PCDH9: variants seen among roughly 807,000 people sequenced by gnomAD.
The protein encoded by PCDH9 is protocadherin 9.
In PCDH9, 24 loss-of-function variants were observed where a neutral mutation model predicts 70.6. That is an observed-to-expected ratio of 0.34 (90% CI 0.25 to 0.48). The LOEUF (loss-of-function observed/expected upper bound fraction) is 0.48. PCDH9 is among the 20% of genes least tolerant of loss of function. The probability of loss-of-function intolerance (pLI) is 0.99; values close to 1 mark genes in which losing one functional copy is unlikely to be tolerated. For synonymous variants in PCDH9, 562 were observed against 558.5 expected, an observed-to-expected ratio of 1.01 and a Z score of -0.09; for missense variants, 1,281 against 1,503.6, an observed-to-expected ratio of 0.85 and a Z score of 2.45.
chr13:66,484,343 G>A (rs1001933569), intron 4 of PCDH9, among the ~76,000 whole-genome samples: 3 of 152,012 alleles, frequency 2.0e-5, no homozygotes, highest in Non-Finnish European at 4.4e-5. Context: ...CCGTAGGGTC[G>A]TAGCCCCACG....
chr13:66,961,936 A>T (rs183856011), intron 2 of PCDH9, among the ~76,000 whole-genome samples: 62 of 152,228 alleles, frequency 4.1e-4, no homozygotes, highest in African/African-American at 1.1e-3. Flanking sequence ...CGGTAATCCC[A>T]GCTACTTGGT....
At chr13:66,770,659 A>G (rs2079792903) in intron 3 of PCDH9, among the ~76,000 whole-genome samples, 2 of 152,172 alleles carry the variant, frequency 1.3e-5, no homozygotes, top group Non-Finnish European at 2.9e-5. Flanking sequence ...TAAGTCATCA[A>G]TGGACTGTTC....
At chr13:66,625,040 CCATT>C (rs2077480294) in intron 4 of PCDH9, among the ~76,000 whole-genome samples, 1 of 151,926 alleles carries the variant, frequency 6.6e-6, no homozygotes, top group African/African-American at 2.4e-5. Context: ...TAATGTATTC[CCATT>C]ATTATTATTA....
chr13:66,534,980 A>G (rs2138641678), intron 4 of PCDH9, among the ~76,000 whole-genome samples: 1 of 152,228 alleles, frequency 6.6e-6, no homozygotes, highest in South Asian at 2.1e-4. Flanking sequence ...GTATAAAAAT[A>G]CACCTGGCTC....
chr13:66,914,663 T>C (rs560432107), intron 2 of PCDH9, among the ~76,000 whole-genome samples: 5 of 151,902 alleles, frequency 3.3e-5, no homozygotes, highest in Non-Finnish European at 5.9e-5. Context: ...CTGTAACTTT[T>C]ATGAAGATTC....
At chr13:66,503,886 T>A (rs1370928327) in intron 4 of PCDH9, among the ~76,000 whole-genome samples, 1 of 152,168 alleles carries the variant, frequency 6.6e-6, no homozygotes, top group African/African-American at 2.4e-5. Context: ...TCCTACCATA[T>A]CAGCAAAAAA....
intron 3 of PCDH9, among the ~76,000 whole-genome samples, chr13:66,879,180 T>A (rs1007511101): frequency 6.6e-6 from 1 of 152,142 alleles, no homozygotes; most frequent in East Asian, 1.9e-4. Flanking sequence ...AAATAAAAAA[T>A]CTATATATAT....
intron 3 of PCDH9, among the ~76,000 whole-genome samples, chr13:66,731,342 G>C (rs575022913): frequency 1.3e-5 from 2 of 152,078 alleles, no homozygotes; most frequent in African/African-American, 4.8e-5. Flanking sequence ...ATTTTTGCAT[G>C]AATATGGTTC....
intron 3 of PCDH9, among the ~76,000 whole-genome samples, chr13:66,710,293 T>C (rs746484282): frequency 3.3e-5 from 5 of 152,168 alleles, no homozygotes; most frequent in African/African-American, 1.2e-4. Context: ...TGACTTGATT[T>C]GATTTTAATT....
chr13:66,429,717 G>A (rs944222429), intron 4 of PCDH9, among the ~76,000 whole-genome samples: 4 of 151,334 alleles, frequency 2.6e-5, no homozygotes, highest in East Asian at 1.9e-4. Flanking sequence ...AGAAGAAGAA[G>A]AAAAAAATAA....
intron 3 of PCDH9, among the ~76,000 whole-genome samples, chr13:66,740,622 G>T (rs2079246666): frequency 1.3e-5 from 2 of 149,292 alleles, no homozygotes; most frequent in East Asian, 4.0e-4. Flanking sequence ...AAAGAGAGAA[G>T]AATCAAATAG....
chr13:66,471,148 T>C (rs1566351051), intron 4 of PCDH9, among the ~76,000 whole-genome samples: 1 of 151,946 alleles, frequency 6.6e-6, no homozygotes, highest in Non-Finnish European at 1.5e-5. Context: ...ATAAAATCAA[T>C]CTTTGTTTTC....
intron 3 of PCDH9, among the ~76,000 whole-genome samples, chr13:66,821,492 A>G (rs1263176393): frequency 6.6e-6 from 1 of 152,186 alleles, no homozygotes; most frequent in Non-Finnish European, 1.5e-5. Context: ...GCAATGGTAC[A>G]ACATATCTCC....
chr13:66,756,907 G>T (rs2079545913), intron 3 of PCDH9, among the ~76,000 whole-genome samples: 1 of 152,054 alleles, frequency 6.6e-6, no homozygotes. Flanking sequence ...TGCAATCTTG[G>T]CTCACTGCAA....
rs1020878608 is a variant in PCDH9 at position 66,719,799 on chromosome 13, G to A, written c.3139-88388C>T. The stretch of plus-strand genomic sequence containing the variant: ...CAGTTAAGTTGCTCACCATTAAAAT[G>A]TTATTAGCATACTACCTTGAAAATA... On this transcript the variant is annotated intron_variant, in intron 3 of 4. Transcript: ENST00000377865. Among the ~76,000 whole-genome samples the A allele has an allele frequency of 3.3e-5, 5 of 152,168 alleles. No homozygotes were observed. The East Asian group carries it at 5.8e-4, about 18-fold the overall frequency.
chr13:67,015,453 C>A (rs2084541719), intron 2 of PCDH9, among the ~76,000 whole-genome samples: 1 of 152,100 alleles, frequency 6.6e-6, no homozygotes, highest in Non-Finnish European at 1.5e-5. Context: ...TCTGGTATTT[C>A]AATGGTGTCA....
intron 4 of PCDH9, among the ~76,000 whole-genome samples, chr13:66,483,857 C>A (rs908004897): frequency 1.3e-5 from 2 of 152,136 alleles, no homozygotes; most frequent in African/African-American, 4.8e-5. Flanking sequence ...AAACTGGAGA[C>A]CCCTAGCGGG....
At chr13:66,967,687 G>T (rs1287329569) in intron 2 of PCDH9, among the ~76,000 whole-genome samples, 2 of 151,914 alleles carry the variant, frequency 1.3e-5, no homozygotes. Context: ...CTATGCAAAA[G>T]TCTTTAAATC....
intron 4 of PCDH9, among the ~76,000 whole-genome samples, chr13:66,413,513 C>A (rs1027504538): frequency 2.6e-5 from 4 of 151,730 alleles, no homozygotes; most frequent in Admixed American, 2.0e-4. Flanking sequence ...GGTGAAACCC[C>A]GTCTCTACCA....
Sources: gnomAD v4.1 joint callset for allele counts (sites outside exome capture counted in the v4.1 genomes callset) on GRCh38, gnomAD v4.1.1 for gene constraint, MANE v1.5 for transcripts, NCBI Gene and HGNC (gene_info 2026-07-23, HGNC 2026-07-21) for gene names.